Variants in AGO2 observed in about 807,000 individuals in gnomAD.
AGO2 encodes the protein protein argonaute-2.
In AGO2, 5 loss-of-function variants were observed where a neutral mutation model predicts 102.3. That is an observed-to-expected ratio of 0.05 (90% CI 0.03 to 0.10). The LOEUF (loss-of-function observed/expected upper bound fraction) is 0.10, where lower values mean the gene tolerates loss of function less well. Ranked by LOEUF, AGO2 falls within the 10% of genes least tolerant of loss-of-function variation. The pLI, the probability that AGO2 is intolerant of heterozygous loss-of-function variation, is 1.00. For synonymous variants in AGO2, 449 were observed against 473.1 expected (o/e 0.95, Z 0.66); for missense variants, 541 against 1,183.7 (o/e 0.46, Z 7.97).
At position 140,557,149 on chromosome 8, in the gene AGO2, G is replaced by A. The variant is rs2073110931; in HGVS notation, c.966C>T (p.Tyr322=). 4 of 1,614,128 alleles carry A rather than the reference G, an allele frequency of 2.5e-6. No homozygotes were observed. Among genetic ancestry groups the A allele is most frequent in the Middle Eastern group, 3.3e-4 (2 of 6,062 alleles). ...CGACTTGTAAACATGGGAGGTGGGG[G>A]TAGCGCAGAACCAACTTGTGCCTGT... ...FKDRHKLVLR[Y]PHLPCLQVGQ... Residue 322 remains tyrosine (Y), a synonymous_variant, in exon 8 of 19, where the codon TAC becomes TAT. Coordinates refer to ENST00000220592, the MANE Select transcript of AGO2 (RefSeq NM_012154.5). This position sits in a 1 kb window ranked among gnomAD's most constrained non-coding sequence, Gnocchi z 5.9.
chr8:140,576,072 A>G (rs1048450931), intron 2 of AGO2, among the ~76,000 whole-genome samples: 5 of 152,184 alleles, frequency 3.3e-5, no homozygotes, highest in African/African-American at 1.2e-4. Context: ...TAATCTCAGC[A>G]CTTTGGGAGG....
chr8:140,624,671 T>C (rs868238876), intron 1 of AGO2, among the ~76,000 whole-genome samples: 1 of 152,342 alleles, frequency 6.6e-6, no homozygotes, highest in Middle Eastern at 3.4e-3. Flanking sequence ...AACGGGCAAC[T>C]CTGGCACCGT....
intron 3 of AGO2, among the ~76,000 whole-genome samples, chr8:140,569,640 A>T (rs539088112): frequency 2.0e-5 from 3 of 152,180 alleles, no homozygotes; most frequent in Non-Finnish European, 4.4e-5. Context: ...AGACGACACA[A>T]ATCATGCCTT....
intron 1 of AGO2, among the ~76,000 whole-genome samples, chr8:140,593,385 T>A (rs1481053830): frequency 6.6e-6 from 1 of 151,638 alleles, no homozygotes; most frequent in Non-Finnish European, 1.5e-5. Context: ...AGGGACGGGG[T>A]TTCACCATGT....
rs137869595 is a variant in AGO2, at chr8:140,537,233, G to A, written c.2170-1664C>T. On this transcript the variant is annotated intron_variant, in intron 16 of 18. Transcript: ENST00000220592. ...GGTAGAACTTTTATAACCCTTCCGT[G>A]TGAACTCAGCTATTTGTAGGGAAGA... Among the ~76,000 whole-genome samples the A allele has an allele frequency of 3.6e-3, 545 of 152,180 alleles. 3 individuals carry two copies. The highest frequency in any genetic ancestry group is 0.014 in the Middle Eastern group (4 of 294).
chr8:140,609,624 C>G (rs967635972), intron 1 of AGO2, among the ~76,000 whole-genome samples: 13 of 152,216 alleles, frequency 8.5e-5, no homozygotes, highest in Admixed American at 2.6e-4. Context: ...CCTCCTGAGT[C>G]TGTCTGCCCA....
chr8:140,629,055 C>A (rs1030312103), intron 1 of AGO2, among the ~76,000 whole-genome samples: 1 of 152,032 alleles, frequency 6.6e-6, no homozygotes, highest in Non-Finnish European at 1.5e-5. Context: ...TGCGCCACTG[C>A]CCTCCAGACT....
At chr8:140,608,049 C>T (rs1281273957) in intron 1 of AGO2, among the ~76,000 whole-genome samples, 1 of 152,130 alleles carries the variant, frequency 6.6e-6, no homozygotes, top group Non-Finnish European at 1.5e-5. Context: ...TGGTGAAGAA[C>T]ACATTGAATG....
In AGO2 at chr8:140,532,523, G is replaced by A. The variant is rs753777229; in HGVS notation, c.2364C>T (p.His788=). 2.5e-6 allele frequency: 4 copies of A among 1,614,180 alleles called. No individual in the cohort carries two copies. The African/African-American group carries it at 4.0e-5, about 16-fold the overall frequency. Residue 788 remains histidine (H), a synonymous_variant, in exon 18 of 19, where the codon CAC becomes CAT. Transcript: ENST00000220592. ...CGGAGCGTGTGCAGCGCACGTAGGT[G>A]TGACACAGCTGGTAGGTTAGGATCT... ...ELQILTYQLC[H]TYVRCTRSVS...
intron 1 of AGO2, among the ~76,000 whole-genome samples, chr8:140,593,722 C>A (rs963591990): frequency 1.3e-5 from 2 of 152,020 alleles, no homozygotes; most frequent in African/African-American, 2.4e-5. Flanking sequence ...ATGCAGACCC[C>A]TTCAGGCAAA....
chr8:140,529,429 A>G lies in AGO2; in HGVS notation c.*2615T>C, dbSNP rs1026399080. 1.3e-5 allele frequency: 2 copies of G among 152,246 alleles called. No homozygotes were observed. The highest frequency in any genetic ancestry group is 2.9e-5 in the Non-Finnish European group (2 of 68,042). The allele number at this position is 152,246 out of a possible 1,614,324, so 9.4% of individuals were successfully genotyped here. On this transcript the variant is annotated 3_prime_UTR_variant, in exon 19 of 19. Coordinates refer to ENST00000220592, the MANE Select transcript of AGO2 (RefSeq NM_012154.5). The stretch of plus-strand genomic sequence containing the variant: ...ACTACAGCCATTTAAACTCTGAATC[A>G]TCAGACATGTACAAAGGTGTGCAGC...
chr8:140,594,131 A>C (rs11997990), intron 1 of AGO2, among the ~76,000 whole-genome samples: 2 of 151,928 alleles, frequency 1.3e-5, no homozygotes, highest in African/African-American at 4.8e-5. Context: ...TCTTCAGAAG[A>C]GGGCAGGGAG....
At chr8:140,542,558 T>C (rs2132882185) in intron 14 of AGO2, among the ~76,000 whole-genome samples, 1 of 150,108 alleles carries the variant, frequency 6.7e-6, no homozygotes, top group South Asian at 2.1e-4. Context: ...CAGATTTCTC[T>C]GTTCCTGAAA....
At chr8:140,597,382 C>T in intron 1 of AGO2, among the ~76,000 whole-genome samples, 1 of 152,088 alleles carries the variant, frequency 6.6e-6, no homozygotes, top group Non-Finnish European at 1.5e-5. Flanking sequence ...GTGCTCACAC[C>T]CAGCTGGAGT....
intron 8 of AGO2, among the ~76,000 whole-genome samples, chr8:140,556,772 G>A (rs553640260): frequency 6.6e-6 from 1 of 152,286 alleles, no homozygotes; most frequent in Admixed American, 6.5e-5. Flanking sequence ...TCAAAGAGTC[G>A]TGATGTTAGA....
Position 140,557,212 on chromosome 8 carries a change from C to A in AGO2, c.903G>T (p.Gly301=). The change falls in exon 8 of 19, where the codon GGG becomes GGT. Residue 301 remains glycine, a synonymous_variant. Transcript: ENST00000220592. The surrounding 1 kb of genome is among the most constrained non-coding windows in gnomAD (Gnocchi z 5.9). ...HQTFPLQQES[G]QTVECTVAQY... ...GGGCCACCGTGCACTCCACCGTCTGCCCGCTCTCCTGCTGCAGCGGGAATC... is the reference window on the plus strand; with the variant it reads ...GGGCCACCGTGCACTCCACCGTCTGACCGCTCTCCTGCTGCAGCGGGAATC... 6.2e-7 allele frequency: 1 copy of A among 1,613,616 alleles called. No individual in the cohort carries two copies. The highest frequency in any genetic ancestry group is 8.5e-7 in the Non-Finnish European group (1 of 1,179,716).
At chr8:140,604,381 CA>C (rs2073967376) in intron 1 of AGO2, among the ~76,000 whole-genome samples, 1 of 152,196 alleles carries the variant, frequency 6.6e-6, no homozygotes, top group African/African-American at 2.4e-5. Flanking sequence ...AATACCGATT[CA>C]AACACAGCAA....
chr8:140,608,737 A>G (rs188178116), intron 1 of AGO2, among the ~76,000 whole-genome samples: 1 of 152,244 alleles, frequency 6.6e-6, no homozygotes, highest in Admixed American at 6.5e-5. Flanking sequence ...CACCCCTTAA[A>G]CGTCCTGCAT....
At chr8:140,599,496 T>C (rs1252159267) in intron 1 of AGO2, among the ~76,000 whole-genome samples, 1 of 152,142 alleles carries the variant, frequency 6.6e-6, no homozygotes, top group African/African-American at 2.4e-5. Flanking sequence ...GGCCTGTGAA[T>C]GCCCCCAACC....
Sources: allele counts gnomAD v4.1 joint callset (sites outside exome capture counted in the v4.1 genomes callset), GRCh38; gene constraint gnomAD v4.1.1; non-coding constraint Gnocchi (gnomAD v3.1); transcripts MANE v1.5; gene names NCBI Gene and HGNC (gene_info 2026-07-23, HGNC 2026-07-21).